NEMP2: variants seen among roughly 807,000 people sequenced by gnomAD.
The protein encoded by NEMP2 is UPF0571 transmembrane protein.
Under a neutral mutation model 54.2 loss-of-function variants are expected in NEMP2, and 53 were observed. The observed-to-expected ratio is 0.98, with a 90% CI of 0.78 to 1.23. The LOEUF (loss-of-function observed/expected upper bound fraction) is 1.23, where lower values mean the gene tolerates loss of function less well. NEMP2 is among the 50% of genes most tolerant of loss of function. NEMP2 has a pLI of 0.00. For synonymous variants in NEMP2, 197 were observed against 190.3 expected (o/e 1.04, Z -0.29); for missense variants, 455 against 511.3 (o/e 0.89, Z 1.06).
At chr2:190,492,463 A>G in the NEMP2 span, among the ~76,000 whole-genome samples, 2 of 152,216 alleles carry the variant, frequency 1.3e-5, no homozygotes, top group East Asian at 3.8e-4. The surrounding 1 kb of genome is among the most constrained non-coding windows in gnomAD (Gnocchi z 5.2). Context: ...CAGAAACCCT[A>G]CAAGCTAGAA....
At chr2:190,603,380 C>T in the NEMP2 span, among the ~76,000 whole-genome samples, 10 of 151,954 alleles carry the variant, frequency 6.6e-5, no homozygotes, top group South Asian at 4.2e-4. Context: ...TCAGTGATTA[C>T]GTAATGGTTG....
At chr2:190,501,345 C>G (rs1240853444), downstream of NEMP2, 1 of 152,146 alleles carries the variant, frequency 6.6e-6, no homozygotes, top group Non-Finnish European at 1.5e-5. Flanking sequence ...TATATTCGTT[C>G]TCATGAAGAC....
rs754441893 is a variant in NEMP2 at position 190,509,479 on chromosome 2, C to A, written c.1131-167G>T. 6.6e-6 allele frequency among the ~76,000 whole-genome samples: 1 copy of A among 152,078 alleles called. No individual in the cohort carries two copies. The highest frequency in any genetic ancestry group is 1.5e-5 in the Non-Finnish European group (1 of 68,020). ...AAAAATGGGAATGGCTTATGTGATC[C>A]CTCTAAAAACAGCTATTCATGGAAA... is the stretch of plus-strand genomic sequence containing the variant. On this transcript the variant is annotated intron_variant, in intron 8 of 8. Transcript: ENST00000409150. This position sits in a 1 kb window ranked among gnomAD's most constrained non-coding sequence, Gnocchi z 6.1.
chr2:190,495,030 C>A, the NEMP2 span, among the ~76,000 whole-genome samples: 1 of 152,250 alleles, frequency 6.6e-6, no homozygotes, highest in Non-Finnish European at 1.5e-5. The surrounding 1 kb of genome is among the most constrained non-coding windows in gnomAD (Gnocchi z 4.7). Flanking sequence ...AAATAAAGGG[C>A]ATCCAAATAG....
chr2:190,536,300 C>A (rs556485434), upstream of NEMP2, among the ~76,000 whole-genome samples: 3 of 152,246 alleles, frequency 2.0e-5, no homozygotes, highest in Admixed American at 6.5e-5. Flanking sequence ...GCTTTACCAC[C>A]AACAGGATCC....
At chr2:190,646,102 A>G in the NEMP2 span, among the ~76,000 whole-genome samples, 1 of 152,270 alleles carries the variant, frequency 6.6e-6, no homozygotes, top group Non-Finnish European at 1.5e-5. Flanking sequence ...AGGAGAAACC[A>G]AAACTATTGC....
chr2:190,618,054 G>A, the NEMP2 span, among the ~76,000 whole-genome samples: 1 of 152,160 alleles, frequency 6.6e-6, no homozygotes, highest in African/African-American at 2.4e-5. Context: ...ATTCTTAGAG[G>A]GGCGTAGGAG....
the NEMP2 span, among the ~76,000 whole-genome samples, chr2:190,465,359 C>T: frequency 6.6e-6 from 1 of 152,250 alleles, no homozygotes; most frequent in East Asian, 1.9e-4. This position sits in a 1 kb window ranked among gnomAD's most constrained non-coding sequence, Gnocchi z 4.6. Flanking sequence ...TGAAATAGGA[C>T]AGTCATGCTG....
chr2:190,436,624 A>G, the NEMP2 span: 1 of 1,614,236 alleles, frequency 6.2e-7, no homozygotes, highest in Middle Eastern at 1.6e-4. The surrounding 1 kb of genome is among the most constrained non-coding windows in gnomAD (Gnocchi z 5.3). Context: ...GCGTGAGAAA[A>G]GAAACCTTTT....
chr2:190,488,400 T>G, the NEMP2 span, among the ~76,000 whole-genome samples: 3 of 152,058 alleles, frequency 2.0e-5, no homozygotes, highest in Non-Finnish European at 4.4e-5. The surrounding 1 kb of genome is among the most constrained non-coding windows in gnomAD (Gnocchi z 6.4). Flanking sequence ...TAAGTTATGG[T>G]TTAAGGGGTA....
the NEMP2 span, chr2:190,646,928 C>T: frequency 6.6e-6 from 1 of 152,138 alleles, no homozygotes; most frequent in Non-Finnish European, 1.5e-5. Context: ...TTCTTTTTTT[C>T]TAGCTTTCAG....
At chr2:190,608,662 T>C in the NEMP2 span, 1 of 152,188 alleles carries the variant, frequency 6.6e-6, no homozygotes, top group Non-Finnish European at 1.5e-5. This position sits in a 1 kb window ranked among gnomAD's most constrained non-coding sequence, Gnocchi z 4.9. Flanking sequence ...AAGTAAGGGA[T>C]AGTTAACAGA....
At chr2:190,587,525 G>A in the NEMP2 span, among the ~76,000 whole-genome samples, 1 of 152,146 alleles carries the variant, frequency 6.6e-6, no homozygotes, top group Non-Finnish European at 1.5e-5. This position sits in a 1 kb window ranked among gnomAD's most constrained non-coding sequence, Gnocchi z 5.4. Flanking sequence ...CTGCAAGTAG[G>A]GCAAAGGTCA....
rs4073872 is a variant in NEMP2, at chr2:190,529,608, T to A, written c.98-4230A>T. 2.0e-5 allele frequency among the ~76,000 whole-genome samples: 3 copies of A among 152,314 alleles called. No homozygotes were observed. Among genetic ancestry groups the A allele is most frequent in the Admixed American group, 1.3e-4 (2 of 15,308 alleles). On this transcript the variant is annotated intron_variant, in intron 1 of 8. Coordinates refer to ENST00000409150, the MANE Select transcript of NEMP2 (RefSeq NM_001142645.2). The surrounding 1 kb of genome is among the most constrained non-coding windows in gnomAD (Gnocchi z 4.7). Reference sequence around the variant, plus strand: ...TATTAGCTTATACTCTGTCTCTCCATGAAGTCAGGGACATTGCATGTTTAT... The same window carrying A: ...TATTAGCTTATACTCTGTCTCTCCAAGAAGTCAGGGACATTGCATGTTTAT...
rs1277981069 is a variant in NEMP2 at position 190,522,389 on chromosome 2, GT to G, written c.213+2873del. Among the ~76,000 whole-genome samples, 4 of 151,324 alleles carry G rather than the reference GT, an allele frequency of 2.6e-5. No homozygotes were observed. Among genetic ancestry groups the G allele is most frequent in the Non-Finnish European group, 2.9e-5 (2 of 67,842 alleles). ...ATCTAAAAAATTAAAAATTAAGAAGGTTTTTTTTAAAAAAACAAAATCTCAC... is the reference window on the plus strand; with the variant it reads ...ATCTAAAAAATTAAAAATTAAGAAGGTTTTTTTAAAAAAACAAAATCTCAC... On this transcript the variant is annotated intron_variant, in intron 2 of 8. Transcript: ENST00000409150. This position sits in a 1 kb window ranked among gnomAD's most constrained non-coding sequence, Gnocchi z 5.0.
the NEMP2 span, among the ~76,000 whole-genome samples, chr2:190,430,402 T>A: frequency 3.2e-4 from 49 of 151,226 alleles, no homozygotes; most frequent in Non-Finnish European, 5.8e-4. Context: ...GGAGTGGTGA[T>A]GACTCTTAAG....
chr2:190,562,495 T>A, the NEMP2 span, among the ~76,000 whole-genome samples: 1 of 152,226 alleles, frequency 6.6e-6, no homozygotes, highest in Non-Finnish European at 1.5e-5. The surrounding 1 kb of genome is among the most constrained non-coding windows in gnomAD (Gnocchi z 5.0). Flanking sequence ...GCTGGCACCT[T>A]TGCATTCCAT....
At chr2:190,448,449 T>G in the NEMP2 span, among the ~76,000 whole-genome samples, 1 of 152,176 alleles carries the variant, frequency 6.6e-6, no homozygotes, top group African/African-American at 2.4e-5. Flanking sequence ...TTCAATATGG[T>G]ATAGTCATAA....
At chr2:190,454,386 C>G in the NEMP2 span, 4 of 152,240 alleles carry the variant, frequency 2.6e-5, no homozygotes, top group East Asian at 3.9e-4. The surrounding 1 kb of genome is among the most constrained non-coding windows in gnomAD (Gnocchi z 4.6). Context: ...GTCCTGACCC[C>G]CAATGTGATG....
Sources: allele counts gnomAD v4.1 joint callset (sites outside exome capture counted in the v4.1 genomes callset), GRCh38; gene constraint gnomAD v4.1.1; non-coding constraint Gnocchi (gnomAD v3.1); transcripts MANE v1.5; gene names NCBI Gene and HGNC (gene_info 2026-07-23, HGNC 2026-07-21).